The following TFDP2 variants were observed in gnomAD, a reference collection of about 807,000 sequenced individuals.
The protein encoded by TFDP2 is transcription factor Dp-2 (E2F dimerization partner 2).
In TFDP2, 17 loss-of-function variants were observed where a neutral mutation model predicts 59.3. That is an observed-to-expected ratio of 0.29 (90% CI 0.20 to 0.43). The LOEUF (loss-of-function observed/expected upper bound fraction) is 0.43. Among genes scored for constraint, TFDP2 ranks in the 20% least tolerant of loss-of-function variants. The pLI, the probability that TFDP2 is intolerant of heterozygous loss-of-function variation, is 1.00. For missense variants in TFDP2, 391 were observed against 528.8 expected, an observed-to-expected ratio of 0.74 and a Z score of 2.56; for synonymous variants, 180 against 194.7, an observed-to-expected ratio of 0.92 and a Z score of 0.63.
chr3:142,065,206 A>C (rs2060034223), intron 3 of TFDP2, among the ~76,000 whole-genome samples: 1 of 151,834 alleles, frequency 6.6e-6, no homozygotes, highest in Admixed American at 6.6e-5. Context: ...CTAGAGTGCA[A>C]TGGTGTGATC....
intron 8 of TFDP2, among the ~76,000 whole-genome samples, chr3:141,972,328 T>C (rs975723535): frequency 3.9e-5 from 6 of 152,060 alleles, no homozygotes; most frequent in African/African-American, 1.4e-4. Context: ...CTAATCCGCC[T>C]CCCCCATTCC....
intron 9 of TFDP2, among the ~76,000 whole-genome samples, chr3:141,965,705 G>A (rs984315515): frequency 3.3e-5 from 5 of 151,878 alleles, no homozygotes; most frequent in Admixed American, 6.6e-5. Flanking sequence ...TTTACTCTTT[G>A]AAAAGCACAA....
At chr3:141,968,302 AAT>A (rs568970500) in intron 9 of TFDP2, among the ~76,000 whole-genome samples, 8 of 128,592 alleles carry the variant, frequency 6.2e-5, no homozygotes, top group African/African-American at 2.1e-4. Flanking sequence ...TATAATATAT[AAT>A]ATATATAACT....
At chr3:142,146,653 G>A (rs2063189057) in intron 1 of TFDP2, among the ~76,000 whole-genome samples, 1 of 152,156 alleles carries the variant, frequency 6.6e-6, no homozygotes, top group Admixed American at 6.5e-5. Flanking sequence ...AAATTAGAGA[G>A]GTAACTTAGT....
At chr3:142,026,300 A>G (rs1000414326) in intron 3 of TFDP2, among the ~76,000 whole-genome samples, 2 of 152,076 alleles carry the variant, frequency 1.3e-5, no homozygotes, top group African/African-American at 4.8e-5. Context: ...GCTTGCAGCG[A>G]GATTCCGTCT....
chr3:141,973,108 TA>T (rs1940027993), intron 8 of TFDP2, among the ~76,000 whole-genome samples: 2 of 108,904 alleles, frequency 1.8e-5, no homozygotes, highest in African/African-American at 3.7e-5. Flanking sequence ...TATATATATA[TA>T]TATATATATA....
intron 3 of TFDP2, among the ~76,000 whole-genome samples, chr3:142,013,444 A>C (rs1161820564): frequency 6.6e-6 from 1 of 152,228 alleles, no homozygotes; most frequent in East Asian, 1.9e-4. Flanking sequence ...AGCCAGGCTG[A>C]GAGAAGTAAA....
chr3:142,109,871 T>C (rs1248064129), intron 1 of TFDP2, among the ~76,000 whole-genome samples: 1 of 152,132 alleles, frequency 6.6e-6, no homozygotes, highest in Non-Finnish European at 1.5e-5. Context: ...GACTTATTTT[T>C]ATGTTCACTG....
At chr3:141,978,705 T>C (rs747392868) in intron 6 of TFDP2, 23 bp from the exon 7 acceptor site, 7 of 1,565,278 alleles carry the variant, frequency 4.5e-6, no homozygotes, top group African/African-American at 1.4e-5. Context: ...AAAGTTTTTT[T>C]TACTCCATTA....
intron 1 of TFDP2, among the ~76,000 whole-genome samples, chr3:142,115,563 C>T (rs2061828145): frequency 6.6e-6 from 1 of 152,184 alleles, no homozygotes; most frequent in African/African-American, 2.4e-5. Context: ...CGTGATCCGC[C>T]GGCCTCGGCC....
At chr3:142,124,087 C>T (rs1007026025) in intron 1 of TFDP2, among the ~76,000 whole-genome samples, 1 of 151,930 alleles carries the variant, frequency 6.6e-6, no homozygotes, top group Admixed American at 6.6e-5. Context: ...GCAAGAAATA[C>T]ATAGGGATAC....
At chr3:142,027,950 T>C (rs1946215177) in intron 3 of TFDP2, among the ~76,000 whole-genome samples, 1 of 152,156 alleles carries the variant, frequency 6.6e-6, no homozygotes, top group African/African-American at 2.4e-5. Flanking sequence ...AGCAGTGGAA[T>C]GCACCGGCCC....
intron 2 of TFDP2, among the ~76,000 whole-genome samples, chr3:142,095,958 A>G (rs2061148422): frequency 6.6e-6 from 1 of 152,202 alleles, no homozygotes; most frequent in Admixed American, 6.5e-5. Flanking sequence ...TACAACCTCA[A>G]CTAAACCTCA....
intron 6 of TFDP2, among the ~76,000 whole-genome samples, chr3:141,990,858 C>T (rs921997920): frequency 2.0e-5 from 3 of 152,024 alleles, no homozygotes; most frequent in Non-Finnish European, 4.4e-5. Context: ...GAGATCAAAA[C>T]CATCCTGGGC....
chr3:142,082,710 C>G (rs2060679458), intron 3 of TFDP2, among the ~76,000 whole-genome samples: 2 of 152,210 alleles, frequency 1.3e-5, no homozygotes, highest in African/African-American at 4.8e-5. Flanking sequence ...TGCAAAATGG[C>G]TCAATGAATG....
At chr3:142,109,431 C>A (rs151269736) in intron 1 of TFDP2, among the ~76,000 whole-genome samples, 1 of 149,808 alleles carries the variant, frequency 6.7e-6, no homozygotes, top group East Asian at 2.0e-4. Flanking sequence ...TGGGTTCAAG[C>A]GATCCTCCTG....
At chr3:142,146,985 G>A (rs1166131715) in intron 1 of TFDP2, among the ~76,000 whole-genome samples, 1 of 151,120 alleles carries the variant, frequency 6.6e-6, no homozygotes, top group African/African-American at 2.4e-5. Context: ...AGCTACTTGG[G>A]AGGGTGAGGT....
intron 1 of TFDP2, among the ~76,000 whole-genome samples, chr3:142,144,515 ATACT>A (rs1422757120): frequency 6.6e-6 from 1 of 152,174 alleles, no homozygotes; most frequent in Non-Finnish European, 1.5e-5. Context: ...AGGAAAGAAA[ATACT>A]TAGTTATTTA....
intron 3 of TFDP2, among the ~76,000 whole-genome samples, chr3:142,088,536 G>A (rs762757182): frequency 6.6e-6 from 1 of 151,394 alleles, no homozygotes; most frequent in Non-Finnish European, 1.5e-5. Flanking sequence ...TCATCATGCT[G>A]CCTAGGCTGG....
Sources: allele counts gnomAD v4.1 joint callset (sites outside exome capture counted in the v4.1 genomes callset), GRCh38; gene constraint gnomAD v4.1.1; transcripts MANE v1.5; gene names NCBI Gene and HGNC (gene_info 2026-07-23, HGNC 2026-07-21).